Variants in LTA4H observed in about 807,000 individuals in gnomAD.
LTA4H encodes the protein leukotriene A4 hydrolase, also known as leukotriene A-4 hydrolase.
In LTA4H, 59 loss-of-function variants were observed where a neutral mutation model predicts 89.8. The ratio of observed to expected loss-of-function variants is 0.66; its 90% CI spans 0.53 to 0.82. The LOEUF (loss-of-function observed/expected upper bound fraction) is 0.82. LTA4H is among the 40% of genes least tolerant of loss of function. The pLI is 0.00. For missense variants in LTA4H, 617 were observed against 727.0 expected, an observed-to-expected ratio of 0.85 and a Z score of 1.74; for synonymous variants, 227 against 253.1, an observed-to-expected ratio of 0.90 and a Z score of 0.98.
Position 96,026,544 on chromosome 12 carries a change from G to A in LTA4H, c.411+900C>T, listed in dbSNP as rs745935647. On this transcript the variant is annotated intron_variant, in intron 3 of 18. Transcript: ENST00000228740. ...GATTGTGCAATTTGTACACTCTTGC[G>A]TAGAACATTTCATCTCTTCTAGATT... 4.6e-5 allele frequency among the ~76,000 whole-genome samples: 7 copies of A among 152,254 alleles called. No homozygotes were observed. The East Asian group carries it at 5.8e-4, about 13-fold the overall frequency.
intron 15 of LTA4H, among the ~76,000 whole-genome samples, 193 bp from the exon 16 acceptor site, chr12:96,006,602 C>T (rs1400909464): frequency 6.6e-6 from 1 of 152,018 alleles, no homozygotes; most frequent in Admixed American, 6.5e-5. Context: ...TGATATGACT[C>T]CTAGAATCTA....
At chr12:96,030,444 G>A (rs1367433673) in intron 1 of LTA4H, among the ~76,000 whole-genome samples, 1 of 152,126 alleles carries the variant, frequency 6.6e-6, no homozygotes, top group Non-Finnish European at 1.5e-5. Flanking sequence ...ATGGGACATA[G>A]CACCACACAT....
intron 16 of LTA4H, among the ~76,000 whole-genome samples, chr12:96,005,750 TA>T (rs1375253242): frequency 6.7e-6 from 1 of 149,402 alleles, no homozygotes; most frequent in Non-Finnish European, 1.5e-5. Context: ...CTAATGTTTT[TA>T]AAAAAATTTT....
intron 18 of LTA4H, among the ~76,000 whole-genome samples, chr12:96,001,854 A>ATT (rs773678087): frequency 6.1e-5 from 9 of 147,308 alleles, no homozygotes; most frequent in African/African-American, 2.0e-4. Flanking sequence ...TATTTTATTC[A>ATT]TTTTTTTTTT....
rs1041911954 is a variant in LTA4H, at chr12:96,012,856, G to T, written c.1379+332C>A. On this transcript the variant is annotated intron_variant, in intron 14 of 18. Coordinates refer to ENST00000228740, the MANE Select transcript of LTA4H (RefSeq NM_000895.3). ...CTAACTTACCTCCTTGGGAAATGGGGATAATAACTTATAACAGTGTTGTAA... is the reference window on the plus strand; with the variant it reads ...CTAACTTACCTCCTTGGGAAATGGGTATAATAACTTATAACAGTGTTGTAA... The T allele has an allele frequency of 3.4e-5, 7 of 204,706 alleles. 1 individual carries two copies. The South Asian group carries it at 7.2e-4, about 21-fold the overall frequency. 12.7% of individuals were successfully genotyped at this position (204,706 alleles called of 1,614,324 possible). A position where few individuals can be genotyped will look rare whatever the true frequency, so the allele number is the denominator to read the frequency against.
chr12:96,003,860 T>C lies in LTA4H; in HGVS notation c.1591A>G (p.Asn531Asp), dbSNP rs1356651232. The change falls in exon 17 of 19, where the codon AAC becomes GAC. Residue 531 changes from asparagine to aspartate, a missense_variant. Coordinates refer to ENST00000228740, the MANE Select transcript of LTA4H (RefSeq NM_000895.3). The part of the protein sequence containing the change: ...MQEVYNFNAI[N>D]NSEIRFRWLR... ...TACCTGAATCGTATTTCAGAATTGTTAATGGCATTGAAGTTGTACACCTCT... is the reference window on the plus strand; with the variant it reads ...TACCTGAATCGTATTTCAGAATTGTCAATGGCATTGAAGTTGTACACCTCT... 1.2e-6 allele frequency: 2 copies of C among 1,609,876 alleles called. No homozygotes were observed. Among genetic ancestry groups the C allele is most frequent in the African/African-American group, 2.7e-5 (2 of 74,736 alleles).
In LTA4H at chr12:96,021,067, A is replaced by C; in HGVS notation, c.638+18T>G. Reference sequence around the variant, plus strand: ...TTTTGATCTTTCCACAAACCTGAAAATTTTTCCAAAAGCTCACCTGCTTTC... The same window carrying C: ...TTTTGATCTTTCCACAAACCTGAAACTTTTTCCAAAAGCTCACCTGCTTTC... On this transcript the variant is annotated intron_variant, in intron 6 of 18. Transcript: ENST00000228740. 6.3e-7 allele frequency: 1 copy of C among 1,598,354 alleles called. No homozygotes were observed. The highest frequency in any genetic ancestry group is 8.5e-7 in the Non-Finnish European group (1 of 1,175,088).
intron 1 of LTA4H, 75 bp downstream of exon 1, chr12:96,035,286 G>A (rs1454076052): frequency 6.9e-7 from 1 of 1,454,526 alleles, no homozygotes; most frequent in Non-Finnish European, 9.2e-7. Context: ...CCGGAGATCC[G>A]GGAGCCCGCA....
chr12:96,035,421 C>G lies in LTA4H; in HGVS notation c.99G>C (p.Arg33=). 1 of 1,610,978 alleles carries G rather than the reference C, an allele frequency of 6.2e-7. No homozygotes were observed. The highest frequency in any genetic ancestry group is 8.5e-7 in the Non-Finnish European group (1 of 1,178,744). ...TGAGAGCAGCAGTCCCGGTCAGCGT[C>G]CGGCGAGTAAAGTCGACGCTGCAGC... ...HLRCSVDFTR[R]TLTGTAALTV... The change falls in exon 1 of 19, where the codon CGG becomes CGC. Residue 33 remains arginine, a synonymous_variant. Coordinates refer to ENST00000228740, the MANE Select transcript of LTA4H (RefSeq NM_000895.3).
chr12:96,030,692 C>G (rs781188887), intron 1 of LTA4H, among the ~76,000 whole-genome samples: 10 of 152,202 alleles, frequency 6.6e-5, no homozygotes, highest in Non-Finnish European at 1.2e-4. Flanking sequence ...TACCAGATCT[C>G]CCTACCTCTG....
At chr12:96,029,206 T>A in intron 1 of LTA4H, 21 bp from the exon 2 acceptor site, 1 of 1,376,680 alleles carries the variant, frequency 7.3e-7, no homozygotes, top group East Asian at 2.4e-5. Flanking sequence ...TATTTTTAAA[T>A]AGTAAGAAAA....
intron 13 of LTA4H, among the ~76,000 whole-genome samples, chr12:96,013,479 A>G (rs1183132098): frequency 6.6e-6 from 1 of 152,222 alleles, no homozygotes; most frequent in African/African-American, 2.4e-5. Context: ...AATGTGGACT[A>G]AGTCAAGCTA....
chr12:96,038,194 C>A (rs908242521), upstream of LTA4H, among the ~76,000 whole-genome samples: 2 of 152,068 alleles, frequency 1.3e-5, no homozygotes, highest in Non-Finnish European at 2.9e-5. Context: ...TGGTTCAATT[C>A]TCTATCAAAA....
At chr12:96,024,277 T>TC (rs1056533561) in intron 4 of LTA4H, among the ~76,000 whole-genome samples, 1 of 152,186 alleles carries the variant, frequency 6.6e-6, no homozygotes, top group African/African-American at 2.4e-5. Flanking sequence ...TTCCTTTTTT[T>TC]CACAGTTAAA....
At chr12:96,042,642 A>G (rs943336914) in intron 1 of LTA4H, among the ~76,000 whole-genome samples, 3 of 152,236 alleles carry the variant, frequency 2.0e-5, no homozygotes, top group South Asian at 4.1e-4. Flanking sequence ...GCACACTTAC[A>G]TATAGACATA....
In LTA4H at chr12:96,029,081, T is replaced by G. The variant is rs758291108; in HGVS notation, c.264A>C (p.Glu88Asp). The change falls in exon 2 of 19, where the codon GAA becomes GAC. Residue 88 changes from glutamate (E) to aspartate (D), a missense_variant. By Grantham distance (45) the Glu-to-Asp change is conservative. Coordinates refer to ENST00000228740, the MANE Select transcript of LTA4H (RefSeq NM_000895.3). ...ERQSYKGSPM[E>D]ISLPIALSKN... ...TGCTCAAAGCGATAGGAAGAGAGAT[T>G]TCCATTGGCGATCCCTTGTAACTTT... The G allele has an allele frequency of 6.3e-7, 1 of 1,588,838 alleles. No homozygotes were observed. Among genetic ancestry groups the G allele is most frequent in the East Asian group, 2.3e-5 (1 of 43,624 alleles).
rs1396042076 is a variant in LTA4H, at chr12:96,015,540, A to G, written c.1059+43T>C. 5 of 1,423,714 alleles carry G rather than the reference A, an allele frequency of 3.5e-6. No individual in the cohort carries two copies. In the African/African-American group the frequency reaches 5.7e-5, roughly 16 times the overall value. The allele number at this position is 1,423,714 out of a possible 1,614,324, so 88.2% of individuals were successfully genotyped here. A position where few individuals can be genotyped will look rare whatever the true frequency, so the allele number is the denominator to read the frequency against. ...TATAAAAACTCAGTTTTTAACACCT[A>G]TACAACTTTGGATGAAGGTTTTTAA... On this transcript the variant is annotated intron_variant, in intron 11 of 18. Transcript: ENST00000228740.
intron 2 of LTA4H, 121 bp downstream of exon 2, chr12:96,028,934 G>A (rs2136913818): frequency 4.3e-6 from 3 of 703,126 alleles, no homozygotes; most frequent in Non-Finnish European, 6.4e-6. Flanking sequence ...ATCAGGATAA[G>A]TAGTGTACCA....
intron 1 of LTA4H, among the ~76,000 whole-genome samples, chr12:96,041,884 G>A (rs577383625): frequency 2.6e-5 from 4 of 151,768 alleles, no homozygotes; most frequent in Non-Finnish European, 4.4e-5. Flanking sequence ...CTCGTGATCC[G>A]CCCACCTCAG....
Sources: allele counts gnomAD v4.1 joint callset (sites outside exome capture counted in the v4.1 genomes callset), GRCh38; gene constraint gnomAD v4.1.1; transcripts MANE v1.5; gene names NCBI Gene and HGNC (gene_info 2026-07-23, HGNC 2026-07-21).